The following PZP variants were observed in gnomAD, a reference collection of about 807,000 sequenced individuals.
The protein encoded by PZP is pregnancy zone protein.
A neutral mutation model predicts 179.8 loss-of-function variants in PZP; 150 were observed. The observed-to-expected ratio is 0.83, with a 90% CI of 0.73 to 0.96. PZP has a LOEUF of 0.96. PZP is among the 40% of genes least tolerant of loss of function. PZP has a pLI of 0.00. For missense variants in PZP, 1,689 were observed against 1,764.0 expected (o/e 0.96, Z 0.76); for synonymous variants, 624 against 652.3 (o/e 0.96, Z 0.66).
In PZP at chr12:9,163,754, G is replaced by T. The variant is rs1188498708; in HGVS notation, c.2650C>A (p.Gln884Lys). 6.2e-7 allele frequency: 1 copy of T among 1,613,502 alleles called. No homozygotes were observed. The highest frequency in any genetic ancestry group is 8.5e-7 in the Non-Finnish European group (1 of 1,179,658). The stretch of plus-strand genomic sequence containing the variant: ...TCATTTCCACAGAGTTCTAAGGACT[G>T]CATTGCCTCTGCACTCACTGAGAAG... ...VNFSVSAEAM[Q>K]SLELCGNEVV... Residue 884 changes from glutamine (Q) to lysine (K), a missense_variant, in exon 21 of 36, where the codon CAG becomes AAG. Around this residue, in one of 3 missense-constraint regions of PZP, gnomAD observed 746 missense variants for 749.2 expected, o/e 1.00. Coordinates refer to ENST00000261336, the MANE Select transcript of PZP (RefSeq NM_002864.3).
At position 9,190,195 on chromosome 12, in the gene PZP, A is replaced by G. The variant is rs562254387; in HGVS notation, c.1546+1998T>C. ...CTGTCATAAAGACACATGCACACATATGTTCATTGCAACCCTGTTGCAATG... is the reference window on the plus strand; with the variant it reads ...CTGTCATAAAGACACATGCACACATGTGTTCATTGCAACCCTGTTGCAATG... On this transcript the variant is annotated intron_variant, in intron 13 of 35. Transcript: ENST00000261336. 1.8e-3 allele frequency among the ~76,000 whole-genome samples: 269 copies of G among 152,296 alleles called. 1 individual carries two copies. Among genetic ancestry groups the G allele is most frequent in the Middle Eastern group, 3.4e-3 (1 of 294 alleles).
At chr12:9,149,503 G>A (rs150636378) in intron 35 of PZP, 58 bp downstream of exon 35, 7 of 1,477,456 alleles carry the variant, frequency 4.7e-6, no homozygotes, top group African/African-American at 4.2e-5. Flanking sequence ...AAATTGCAGG[G>A]GCCCTTGGAG....
At chr12:9,176,662 A>T (rs775255159) in intron 15 of PZP, among the ~76,000 whole-genome samples, 1 of 152,336 alleles carries the variant, frequency 6.6e-6, no homozygotes, top group Non-Finnish European at 1.5e-5. Context: ...TTATCCCTGG[A>T]CAGATGTAAG....
intron 1 of PZP, 132 bp downstream of exon 1, chr12:9,208,127 C>G (rs1592583016): frequency 1.6e-6 from 1 of 642,850 alleles, no homozygotes; most frequent in East Asian, 2.9e-5. Flanking sequence ...AAGGGATTAA[C>G]TGGAATAATT....
chr12:9,169,458 T>C lies in PZP; in HGVS notation c.1973A>G (p.Asn658Ser). Reference sequence around the variant, plus strand: ...GAGGAAGCTATAAATATCTGCTTCATTACTTGATAAGGGAACATAGATGGC... The same window carrying C: ...GAGGAAGCTATAAATATCTGCTTCACTACTTGATAAGGGAACATAGATGGC... ...NGAIYVPLSS[N>S]EADIYSFLKG... The change falls in exon 16 of 36, where the codon AAT (asparagine) becomes AGT (serine). Residue 658 changes from asparagine to serine, a missense_variant. Transcript: ENST00000261336. 1.2e-6 allele frequency: 2 copies of C among 1,609,180 alleles called. No homozygotes were observed. The highest frequency in any genetic ancestry group is 1.7e-6 in the Non-Finnish European group (2 of 1,177,858).
chr12:9,152,831 T>C lies in PZP; in HGVS notation c.4114A>G (p.Thr1372Ala), dbSNP rs1380623885. The part of the protein sequence containing the change: ...KAHTSFQISL[T>A]ISYTGNRPAS... Reference sequence around the variant, plus strand: ...TAGGTTAGAACGTCTTACCTGATGGTCAGTGAGATCTGAAAGCTGGTGTGG... The same window carrying C: ...TAGGTTAGAACGTCTTACCTGATGGCCAGTGAGATCTGAAAGCTGGTGTGG... The change falls in exon 31 of 36, where the codon ACC (threonine) becomes GCC (alanine). Residue 1372 changes from threonine to alanine, a missense_variant. Thr to Ala is a moderately conservative substitution (Grantham distance 58). Around this residue, in one of 3 missense-constraint regions of PZP, gnomAD observed 746 missense variants for 749.2 expected, o/e 1.00. Coordinates refer to ENST00000261336, the MANE Select transcript of PZP (RefSeq NM_002864.3). 2 of 1,614,106 alleles carry C rather than the reference T, an allele frequency of 1.2e-6. No homozygotes were observed. Among genetic ancestry groups the C allele is most frequent in the South Asian group, 1.1e-5 (1 of 91,076 alleles).
chr12:9,165,170 G>C lies in PZP; in HGVS notation c.2456C>G (p.Thr819Arg). 1 of 1,614,050 alleles carries C rather than the reference G, an allele frequency of 6.2e-7. No homozygotes were observed. Among genetic ancestry groups the C allele is most frequent in the Non-Finnish European group, 8.5e-7 (1 of 1,179,940 alleles). ...IRGEVFTLKA[T>R]VLNYLPKCIR... Reference sequence around the variant, plus strand: ...GCATTTGGGAAGGTAGTTTAGGACCGTGGCCTTGAGTGTGAAGACCTCTCC... The same window carrying C: ...GCATTTGGGAAGGTAGTTTAGGACCCTGGCCTTGAGTGTGAAGACCTCTCC... The change falls in exon 19 of 36, where the codon ACG becomes AGG. Residue 819 changes from threonine to arginine, a missense_variant. Thr to Arg is a moderately conservative substitution (Grantham distance 71). This residue lies in a region of PZP where 201 missense variants were observed against 284.2 expected (regional missense o/e 0.71). Coordinates refer to ENST00000261336, the MANE Select transcript of PZP (RefSeq NM_002864.3).
intron 25 of PZP, among the ~76,000 whole-genome samples, 176 bp from the exon 26 acceptor site, chr12:9,158,752 C>CTTTTTTTTTTTTTTTTTT (rs200458490): frequency 6.1e-5 from 6 of 97,816 alleles, no homozygotes; most frequent in Admixed American, 1.3e-4. Context: ...TTTTTCTTTT[C>CTTTTTTTTTTTTTTTTTT]TTTTCTTTTT....
intron 19 of PZP, 60 bp from the exon 20 acceptor site, chr12:9,164,319 T>C (rs1941432235): frequency 6.5e-7 from 1 of 1,541,740 alleles, no homozygotes. Flanking sequence ...CACGAACACA[T>C]AGAATTGGGG....
At chr12:9,164,374 G>A (rs1941436438) in intron 19 of PZP, 115 bp from the exon 20 acceptor site, 4 of 1,122,422 alleles carry the variant, frequency 3.6e-6, no homozygotes, top group Admixed American at 2.2e-5. Context: ...TAAGAAAAAT[G>A]TATGTCACAT....
chr12:9,202,658 C>G lies in PZP; in HGVS notation c.294G>C (p.Glu98Asp). 1 of 1,614,112 alleles carries G rather than the reference C, an allele frequency of 6.2e-7. No homozygotes were observed. Reference protein sequence around the residue: ...FTLPRISASSEVAFLSIQIKG... With the variant: ...FTLPRISASSDVAFLSIQIKG... ...TTATCTGGATGCTAAGGAATGCCAC[C>G]TCTGAAGAGGCTGAGATCCTTGGGA... Residue 98 changes from glutamate (E) to aspartate (D), a missense_variant, in exon 3 of 36, where the codon GAG (glutamate) becomes GAC (aspartate). Glu to Asp is a conservative substitution (Grantham distance 45). Around this residue, in one of 3 missense-constraint regions of PZP, gnomAD observed 742 missense variants for 730.5 expected, o/e 1.02. Transcript: ENST00000261336.
intron 29 of PZP, among the ~76,000 whole-genome samples, chr12:9,154,293 C>T (rs1188908136): frequency 6.6e-6 from 1 of 152,130 alleles, no homozygotes; most frequent in Non-Finnish European, 1.5e-5. Flanking sequence ...CCTTTTACAA[C>T]GATGATGTGG....
In PZP at chr12:9,203,898, C is replaced by T; in HGVS notation, c.137G>A (p.Gly46Asp). The T allele has an allele frequency of 6.2e-7, 1 of 1,613,970 alleles. No homozygotes were observed. Among genetic ancestry groups the T allele is most frequent in the Non-Finnish European group, 8.5e-7 (1 of 1,179,874 alleles). ...ATTCAGGTGGCTCAGAAGGACACAGCCCTTCTTAGGGGCCTCAGTGTGGAG... is the reference window on the plus strand; with the variant it reads ...ATTCAGGTGGCTCAGAAGGACACAGTCCTTCTTAGGGGCCTCAGTGTGGAG... Reference protein sequence around the residue: ...SLLHTEAPKKGCVLLSHLNET... With the variant: ...SLLHTEAPKKDCVLLSHLNET... Residue 46 changes from glycine (G) to aspartate (D), a missense_variant, in exon 2 of 36, where the codon GGC becomes GAC. Physicochemically the swap from Gly to Asp is moderately conservative, Grantham distance 94. Coordinates refer to ENST00000261336, the MANE Select transcript of PZP (RefSeq NM_002864.3).
intron 32 of PZP, 85 bp from the exon 33 acceptor site, chr12:9,151,757 C>T: frequency 1.9e-6 from 2 of 1,047,642 alleles, no homozygotes; most frequent in African/African-American, 1.6e-5. Flanking sequence ...TAATAAGGGA[C>T]AAATGGTCAT....
chr12:9,155,000 A>G (rs1353625740), intron 28 of PZP, among the ~76,000 whole-genome samples, 161 bp from the exon 29 acceptor site: 3 of 152,320 alleles, frequency 2.0e-5, no homozygotes, highest in East Asian at 3.9e-4. Flanking sequence ...TCACACTTCT[A>G]TGCTGAACTT....
chr12:9,166,295 C>A, intron 17 of PZP, 93 bp from the exon 18 acceptor site: 1 of 1,212,356 alleles, frequency 8.2e-7, no homozygotes, highest in Admixed American at 2.4e-5. Context: ...TTTCAGTTTT[C>A]CTGCTCAGAC....
In PZP at chr12:9,158,441, T is replaced by C; in HGVS notation, c.3273A>G (p.Ser1091=). The C allele has an allele frequency of 6.2e-7, 1 of 1,614,210 alleles. No homozygotes were observed. The highest frequency in any genetic ancestry group is 8.5e-7 in the Non-Finnish European group (1 of 1,180,034). ...KDNGCFRSSG[S]LLNNAIKGGV... is the part of the protein sequence containing the mutation. The stretch of plus-strand genomic sequence containing the variant: ...TCACCTTTATGGCATTGTTGAGCAG[T>C]GACCCAGAGCTCCTGAAACAGCCAT... The change falls in exon 26 of 36, where the codon TCA becomes TCG. Residue 1091 remains serine (S), a synonymous_variant. Coordinates refer to ENST00000261336, the MANE Select transcript of PZP (RefSeq NM_002864.3).
rs150129674 is a variant in PZP, at chr12:9,157,916, C to T, written c.3295-75G>A. 67 of 1,192,500 alleles carry T rather than the reference C, an allele frequency of 5.6e-5. No homozygotes were observed. The East Asian group carries it at 5.8e-4, about 10-fold the overall frequency. The allele number at this position is 1,192,500 out of a possible 1,614,324, so 73.9% of individuals were successfully genotyped here. A position where few individuals can be genotyped will look rare whatever the true frequency, so the allele number is the denominator to read the frequency against. ...ATTCTCTTCTGTTGTTTGATGGAAA[C>T]GCTCCTCAGTATCTGTTTCCATTCA... On this transcript the variant is annotated intron_variant, in intron 26 of 35. Transcript: ENST00000261336.
At chr12:9,166,320 T>C in intron 17 of PZP, 118 bp from the exon 18 acceptor site, 1 of 877,664 alleles carries the variant, frequency 1.1e-6, no homozygotes, top group Non-Finnish European at 1.7e-6. Context: ...CTAAAAGTCT[T>C]GTAGAAGTTG....
Sources: allele counts gnomAD v4.1 joint callset (sites outside exome capture counted in the v4.1 genomes callset), GRCh38; gene constraint gnomAD v4.1.1; regional missense constraint gnomAD v4.1.1; transcripts MANE v1.5; gene names NCBI Gene and HGNC (gene_info 2026-07-23, HGNC 2026-07-21).